The following USH2A variants were observed in gnomAD, a reference collection of about 807,000 sequenced individuals.
USH2A encodes the protein Usher syndrome 2A (autosomal recessive, mild).
In USH2A, 443 loss-of-function variants were observed where a neutral mutation model predicts 538.9. That is an observed-to-expected ratio of 0.82 (90% CI 0.76 to 0.89). The LOEUF is 0.89. USH2A is among the 40% of genes least tolerant of loss of function. USH2A has a pLI of 0.00. For synonymous variants in USH2A, 2,413 were observed against 2,273.5 expected (o/e 1.06, Z -1.75); for missense variants, 6,633 against 6,324.8 (o/e 1.05, Z -1.65).
chr1:215,987,832 T>C (rs768494317), intron 35 of USH2A, among the ~76,000 whole-genome samples: 28 of 152,196 alleles, frequency 1.8e-4, no homozygotes, highest in Non-Finnish European at 3.5e-4. Context: ...TGCACCATAT[T>C]GTGAAGTGAG....
chr1:216,346,744 T>C (rs888198112), intron 4 of USH2A, among the ~76,000 whole-genome samples: 4 of 151,524 alleles, frequency 2.6e-5, no homozygotes, highest in Non-Finnish European at 4.4e-5. Flanking sequence ...TGCCTGCTTA[T>C]TAGGCTTTAG....
intron 64 of USH2A, among the ~76,000 whole-genome samples, chr1:215,651,148 C>T (rs1657067543): frequency 6.6e-6 from 1 of 152,132 alleles, no homozygotes; most frequent in African/African-American, 2.4e-5. Context: ...CTGGATGGAT[C>T]TGCAGACTAC....
At chr1:215,995,757 G>A (rs17025843) in intron 34 of USH2A, among the ~76,000 whole-genome samples, 1,879 of 152,232 alleles carry the variant, frequency 0.012, 35 homozygotes, top group African/African-American at 0.043. Flanking sequence ...CAGCCATTTT[G>A]AAAAATTCAT....
At chr1:216,258,702 C>T (rs1335353914) in intron 11 of USH2A, among the ~76,000 whole-genome samples, 1 of 152,116 alleles carries the variant, frequency 6.6e-6, no homozygotes, top group African/African-American at 2.4e-5. Context: ...TCTCAGCAAA[C>T]ATTGTCCTCA....
chr1:215,866,381 C>T (rs948962257), intron 44 of USH2A, among the ~76,000 whole-genome samples: 17 of 152,236 alleles, frequency 1.1e-4, no homozygotes, highest in African/African-American at 4.1e-4. Flanking sequence ...TTCCAAATGC[C>T]TGTTAAAAAA....
intron 38 of USH2A, among the ~76,000 whole-genome samples, chr1:215,930,579 G>T (rs777612151): frequency 3.0e-4 from 46 of 152,062 alleles, no homozygotes; most frequent in Non-Finnish European, 5.3e-4. Flanking sequence ...ACTTTAACTG[G>T]TGCTTCCATC....
At chr1:215,626,872 C>T (rs1052541881) in intron 71 of USH2A, among the ~76,000 whole-genome samples, 1 of 152,134 alleles carries the variant, frequency 6.6e-6, no homozygotes, top group African/African-American at 2.4e-5. Context: ...TTCATCTGAA[C>T]TTTCAATGTA....
chr1:215,720,493 T>C (rs1346791645), intron 61 of USH2A, among the ~76,000 whole-genome samples: 2 of 152,200 alleles, frequency 1.3e-5, no homozygotes, highest in African/African-American at 2.4e-5. Flanking sequence ...AGCTAATACC[T>C]GTGTCTTAGT....
At chr1:216,032,196 T>C (rs1359558662) in intron 32 of USH2A, among the ~76,000 whole-genome samples, 1 of 152,190 alleles carries the variant, frequency 6.6e-6, no homozygotes, top group African/African-American at 2.4e-5. Flanking sequence ...GACATGCTTT[T>C]TTTTTGCATG....
chr1:215,999,902 G>A (rs1478605433), intron 33 of USH2A, among the ~76,000 whole-genome samples: 1 of 152,182 alleles, frequency 6.6e-6, no homozygotes, highest in African/African-American at 2.4e-5. Flanking sequence ...CTTGATAAGA[G>A]AGACCTATTA....
chr1:215,768,000 A>AT (rs1032718599), intron 55 of USH2A, among the ~76,000 whole-genome samples: 4 of 152,006 alleles, frequency 2.6e-5, no homozygotes, highest in Admixed American at 2.6e-4. Flanking sequence ...TGTTATGCTT[A>AT]TTTTTTCACG....
Position 215,900,833 on chromosome 1 carries a change from G to T in USH2A, c.7373C>A (p.Pro2458Gln), listed in dbSNP as rs1445664368. The change falls in exon 39 of 72, where the codon CCA becomes CAA. Residue 2458 changes from proline to glutamine, a missense_variant. Physicochemically the swap from Pro to Gln is moderately conservative, Grantham distance 76. Transcript: ENST00000307340. ...AGAGCCAGGAGCGTTATTACGAGCT[G>T]GTGTAGACCAGACAACCTGAAGACT... ...PTSLQVVWST[P>Q]ARNNAPGSPR... 3.1e-6 allele frequency: 5 copies of T among 1,613,692 alleles called. No individual in the cohort carries two copies. The highest frequency in any genetic ancestry group is 4.2e-6 in the Non-Finnish European group (5 of 1,179,816).
intron 32 of USH2A, among the ~76,000 whole-genome samples, chr1:216,029,973 G>GATAT (rs2102509850): frequency 9.3e-6 from 1 of 107,610 alleles, no homozygotes; most frequent in African/African-American, 3.0e-5. Flanking sequence ...GATAGATAGA[G>GATAT]AGAGATATAG....
At chr1:216,386,754 C>CTGAG (rs1406302700) in intron 3 of USH2A, among the ~76,000 whole-genome samples, 1 of 150,660 alleles carries the variant, frequency 6.6e-6, no homozygotes, top group Non-Finnish European at 1.5e-5. Flanking sequence ...ACTCGGGAGG[C>CTGAG]TGAGGCAGGA....
chr1:216,286,549 C>T (rs1021499345), intron 11 of USH2A, among the ~76,000 whole-genome samples: 47 of 151,922 alleles, frequency 3.1e-4, no homozygotes, highest in African/African-American at 1.1e-3. Context: ...TCTGTCTCTA[C>T]TAAAAATACA....
At chr1:216,077,979 G>T (rs1346306294) in intron 27 of USH2A, 110 bp downstream of exon 27, 32 of 1,320,482 alleles carry the variant, frequency 2.4e-5, no homozygotes, top group Non-Finnish European at 2.6e-5. Context: ...AGATGCTGTT[G>T]GGTGCTGCTT....
At chr1:216,150,079 C>A (rs1013056313) in intron 21 of USH2A, among the ~76,000 whole-genome samples, 9 of 152,036 alleles carry the variant, frequency 5.9e-5, no homozygotes, top group Non-Finnish European at 1.0e-4. Context: ...CAGGGCTTTA[C>A]GAAGTCACCC....
chr1:215,627,678 A>G (rs1656107584), intron 71 of USH2A, among the ~76,000 whole-genome samples: 1 of 152,000 alleles, frequency 6.6e-6, no homozygotes, highest in South Asian at 2.1e-4. Context: ...GGTGCGCACC[A>G]CCGCGCCCAG....
At chr1:216,393,510 T>G (rs922819331) in intron 3 of USH2A, among the ~76,000 whole-genome samples, 1 of 152,216 alleles carries the variant, frequency 6.6e-6, no homozygotes, top group African/African-American at 2.4e-5. Flanking sequence ...GTTATTTCCA[T>G]GTGGCTTTTT....
Sources: allele counts gnomAD v4.1 joint callset (sites outside exome capture counted in the v4.1 genomes callset), GRCh38; gene constraint gnomAD v4.1.1; transcripts MANE v1.5; gene names NCBI Gene and HGNC (gene_info 2026-07-23, HGNC 2026-07-21).